The following LAMA1 variants were observed in gnomAD, a reference collection of about 807,000 sequenced individuals.
The protein encoded by LAMA1 is laminin subunit alpha-1.
Under a neutral mutation model 348.7 loss-of-function variants are expected in LAMA1, and 219 were observed. That is an observed-to-expected ratio of 0.63 (90% CI 0.56 to 0.70). The LOEUF (loss-of-function observed/expected upper bound fraction) is 0.70, where lower values mean the gene tolerates loss of function less well. Ranked by LOEUF, LAMA1 falls within the 30% of genes least tolerant of loss-of-function variation. LAMA1 has a pLI of 0.00. For synonymous variants in LAMA1, 1,487 were observed against 1,491.0 expected (o/e 1.00, Z 0.06); for missense variants, 3,744 against 3,888.0 (o/e 0.96, Z 0.99).
At chr18:7,065,619 C>T (rs142855697) in intron 3 of LAMA1, among the ~76,000 whole-genome samples, 19 of 152,100 alleles carry the variant, frequency 1.2e-4, no homozygotes, top group South Asian at 1.2e-3. Flanking sequence ...CCCAGCTACT[C>T]GGGATGCCGA....
intron 61 of LAMA1, among the ~76,000 whole-genome samples, chr18:6,943,888 C>T (rs1466892434): frequency 6.6e-6 from 1 of 151,880 alleles, no homozygotes; most frequent in East Asian, 1.9e-4. Flanking sequence ...ATACTAGTCC[C>T]CAAATTCCAG....
chr18:7,009,726 C>T (rs2057850679), intron 26 of LAMA1, among the ~76,000 whole-genome samples: 1 of 152,164 alleles, frequency 6.6e-6, no homozygotes, highest in East Asian at 1.9e-4. Flanking sequence ...GCAGTGCCCA[C>T]TAAATTGACA....
chr18:7,003,583 A>C (rs1013004855), intron 29 of LAMA1, among the ~76,000 whole-genome samples: 4 of 152,136 alleles, frequency 2.6e-5, no homozygotes, highest in Non-Finnish European at 5.9e-5. Flanking sequence ...TTTAAAGCTA[A>C]AAGAACAAGC....
chr18:7,056,393 A>G (rs2058082028), intron 3 of LAMA1, among the ~76,000 whole-genome samples: 1 of 152,234 alleles, frequency 6.6e-6, no homozygotes, highest in African/African-American at 2.4e-5. Flanking sequence ...TTGAATATGG[A>G]AAGAACTAAC....
intron 1 of LAMA1, among the ~76,000 whole-genome samples, chr18:7,085,747 C>G (rs969512202): frequency 1.3e-5 from 2 of 152,082 alleles, no homozygotes; most frequent in African/African-American, 4.8e-5. Flanking sequence ...CCCATTCGCC[C>G]AAGTGAACAT....
At chr18:7,080,587 A>C in intron 1 of LAMA1, 130 bp from the exon 2 acceptor site, 1 of 943,370 alleles carries the variant, frequency 1.1e-6, no homozygotes, top group Non-Finnish European at 1.7e-6. Context: ...ATCCTTACAC[A>C]AACACCGTAT....
chr18:7,117,287 G>C (rs1598328049), intron 1 of LAMA1, among the ~76,000 whole-genome samples: 2 of 151,252 alleles, frequency 1.3e-5, no homozygotes, highest in South Asian at 2.1e-4. Context: ...GCGCAGCCGG[G>C]GCACTAAAAG....
At position 6,973,137 on chromosome 18, in the gene LAMA1, T is replaced by C. The variant is rs755815077; in HGVS notation, c.6694A>G (p.Lys2232Glu). 3.7e-6 allele frequency: 6 copies of C among 1,614,128 alleles called. No individual in the cohort carries two copies. The highest frequency in any genetic ancestry group is 5.1e-6 in the Non-Finnish European group (6 of 1,179,926). The change falls in exon 47 of 63, where the codon AAA (lysine) becomes GAA (glutamate). Residue 2232 changes from lysine (K) to glutamate (E), a missense_variant. Physicochemically the swap from Lys to Glu is moderately conservative, Grantham distance 56. Around this residue, in one of 3 missense-constraint regions of LAMA1, gnomAD observed 1,983 missense variants for 1,934.3 expected, o/e 1.03. Coordinates refer to ENST00000389658, the MANE Select transcript of LAMA1 (RefSeq NM_005559.4). ...AGAACATTAGCTGTCCCAGGGGATT[T>C]ACTTGTTTTTGTTGGTGACTTTTGA... is the stretch of plus-strand genomic sequence containing the variant. ...SNQKSPTKTS[K>E]SPGTANVLDV...
At chr18:7,040,268 T>G in intron 9 of LAMA1, 32 bp from the exon 10 acceptor site, 1 of 1,612,854 alleles carries the variant, frequency 6.2e-7, no homozygotes. Flanking sequence ...TGACCCAACA[T>G]GAAGGCAAAA....
At chr18:7,066,619 G>T (rs981051191) in intron 3 of LAMA1, among the ~76,000 whole-genome samples, 3 of 152,126 alleles carry the variant, frequency 2.0e-5, no homozygotes, top group Non-Finnish European at 4.4e-5. Context: ...TCTGAATTTA[G>T]CTTAGTCCTC....
Position 6,958,568 on chromosome 18 carries a change from C to T in LAMA1, c.7873G>A (p.Val2625Ile), listed in dbSNP as rs370352054. 7.6e-5 allele frequency: 123 copies of T among 1,614,138 alleles called. No homozygotes were observed. The highest frequency in any genetic ancestry group is 1.3e-4 in the African/African-American group (10 of 75,046). The part of the protein sequence containing the change: ...SRTINVSNLY[V>I]GGIPEGEGTS... Reference sequence around the variant, plus strand: ...CCCTCTCCCTCTGGAATTCCCCCGACGTACAGATTGGACACATTTATCGTC... The same window carrying T: ...CCCTCTCCCTCTGGAATTCCCCCGATGTACAGATTGGACACATTTATCGTC... The change falls in exon 55 of 63, where the codon GTC becomes ATC. Residue 2625 changes from valine to isoleucine, a missense_variant. By Grantham distance (29) the Val-to-Ile change is conservative. Coordinates refer to ENST00000389658, the MANE Select transcript of LAMA1 (RefSeq NM_005559.4).
At chr18:7,074,479 A>G (rs1461287680) in intron 3 of LAMA1, among the ~76,000 whole-genome samples, 1 of 152,214 alleles carries the variant, frequency 6.6e-6, no homozygotes, top group Non-Finnish European at 1.5e-5. Flanking sequence ...TAAATGCAAG[A>G]TTCATGAAAT....
At chr18:7,106,694 C>T (rs1232917286) in intron 1 of LAMA1, among the ~76,000 whole-genome samples, 2 of 151,990 alleles carry the variant, frequency 1.3e-5, no homozygotes, top group South Asian at 2.1e-4. Context: ...ATATGACCCC[C>T]ACCCCAGACC....
At chr18:6,979,818 G>A (rs1260742687) in intron 42 of LAMA1, among the ~76,000 whole-genome samples, 1 of 151,996 alleles carries the variant, frequency 6.6e-6, no homozygotes, top group African/African-American at 2.4e-5. Flanking sequence ...AGAATGGTGT[G>A]AACCCGGGGG....
intron 3 of LAMA1, among the ~76,000 whole-genome samples, chr18:7,076,651 T>C (rs1421830037): frequency 6.8e-6 from 1 of 147,902 alleles, no homozygotes; most frequent in Non-Finnish European, 1.5e-5. Flanking sequence ...TGGTCCTTAC[T>C]GGATCCTGGT....
chr18:7,040,795 G>T (rs900330257), intron 9 of LAMA1, among the ~76,000 whole-genome samples: 1 of 152,160 alleles, frequency 6.6e-6, no homozygotes, highest in East Asian at 1.9e-4. Flanking sequence ...TCCATACTAT[G>T]AAATATTATT....
In LAMA1 at chr18:6,947,189, T is replaced by C. The variant is rs1215775923; in HGVS notation, c.8818A>G (p.Ile2940Val). The C allele has an allele frequency of 1.2e-6, 2 of 1,614,208 alleles. No homozygotes were observed. The highest frequency in any genetic ancestry group is 2.2e-5 in the East Asian group (1 of 44,872). Residue 2940 changes from isoleucine to valine, a missense_variant, in exon 61 of 63, where the codon ATT becomes GTT. Ile to Val is a conservative substitution (Grantham distance 29). Coordinates refer to ENST00000389658, the MANE Select transcript of LAMA1 (RefSeq NM_005559.4). ...TTGCCGTCCACAAGCTCTAGTCCAATGGCATCCACTTTGGCAGTGCTGATC... is the reference window on the plus strand; with the variant it reads ...TTGCCGTCCACAAGCTCTAGTCCAACGGCATCCACTTTGGCAGTGCTGATC... Reference protein sequence around the residue: ...LGISTAKVDAIGLELVDGKVL... With the variant: ...LGISTAKVDAVGLELVDGKVL...
At chr18:6,988,808 T>TTAA (rs1479245320) in intron 36 of LAMA1, among the ~76,000 whole-genome samples, 4 of 100,474 alleles carry the variant, frequency 4.0e-5, no homozygotes, top group African/African-American at 1.2e-4. Flanking sequence ...TCCGTCTCAA[T>TTAA]AAAAAAAAAA....
chr18:7,066,269 A>C (rs974532719), intron 3 of LAMA1, among the ~76,000 whole-genome samples: 1 of 152,224 alleles, frequency 6.6e-6, no homozygotes, highest in Non-Finnish European at 1.5e-5. Flanking sequence ...CACATTTTTC[A>C]GATTTTTCAT....
Sources: gnomAD v4.1 joint callset for allele counts (sites outside exome capture counted in the v4.1 genomes callset) on GRCh38, gnomAD v4.1.1 for gene constraint, gnomAD v4.1.1 regional missense constraint, MANE v1.5 for transcripts, NCBI Gene and HGNC (gene_info 2026-07-23, HGNC 2026-07-21) for gene names.